The following PKHD1 variants were observed in gnomAD, a reference collection of about 807,000 sequenced individuals.
PKHD1 encodes fibrocystin.
Under a neutral mutation model 412.0 loss-of-function variants are expected in PKHD1, and 291 were observed. That is an observed-to-expected ratio of 0.71 (90% CI 0.64 to 0.78). The LOEUF is 0.78. Ranked by LOEUF, PKHD1 falls within the 30% of genes least tolerant of loss-of-function variation. The pLI is 0.00. For synonymous variants in PKHD1, 1,777 were observed against 1,821.5 expected, an observed-to-expected ratio of 0.98 and a Z score of 0.62; for missense variants, 4,825 against 4,950.7, an observed-to-expected ratio of 0.97 and a Z score of 0.76.
Position 51,626,924 on chromosome 6 carries a change from TGAAG to T in PKHD1, c.11785+69_11785+72del. ...AACCAAATTGCTTCAGAGACAGAGCTGAAGGAGAGGGAGGCTCAGACCATCCACA... is the reference window on the plus strand; with the variant it reads ...AACCAAATTGCTTCAGAGACAGAGCTGAGAGGGAGGCTCAGACCATCCACA... On this transcript the variant is annotated intron_variant, in intron 66 of 66. Transcript: ENST00000371117. The T allele has an allele frequency of 7.8e-6, 12 of 1,531,512 alleles. No individual in the cohort carries two copies. The South Asian group carries it at 1.3e-4, about 17-fold the overall frequency. The allele number at this position is 1,531,512 out of a possible 1,614,324, so 94.9% of individuals were successfully genotyped here. A position where few individuals can be genotyped will look rare whatever the true frequency, so the allele number is the denominator to read the frequency against.
chr6:52,048,992 T>C (rs1806318519), intron 22 of PKHD1, among the ~76,000 whole-genome samples: 1 of 152,236 alleles, frequency 6.6e-6, no homozygotes, highest in African/African-American at 2.4e-5. Flanking sequence ...TCAAACTTTC[T>C]GCACCTGCCT....
chr6:52,036,765 A>C (rs186527239), intron 27 of PKHD1, among the ~76,000 whole-genome samples: 1 of 152,374 alleles, frequency 6.6e-6, no homozygotes, highest in Non-Finnish European at 1.5e-5. Context: ...AATTGAAAAA[A>C]TATTTGAAAT....
At chr6:51,930,461 G>T (rs748016488) in intron 37 of PKHD1, among the ~76,000 whole-genome samples, 13 of 152,136 alleles carry the variant, frequency 8.5e-5, no homozygotes, top group Non-Finnish European at 1.8e-4. Flanking sequence ...TACATGTAAC[G>T]TGCTTTCAAC....
In PKHD1 at chr6:51,623,440, G is replaced by A. The variant is rs1766869331; in HGVS notation, c.11785+3557C>T. Reference sequence around the variant, plus strand: ...ATTGACCTATACAATTTTTTGGACTGACATTATATTTGAGTGAGTTATTCA... The same window carrying A: ...ATTGACCTATACAATTTTTTGGACTAACATTATATTTGAGTGAGTTATTCA... On this transcript the variant is annotated intron_variant, in intron 66 of 66. Transcript: ENST00000371117. 2.0e-5 allele frequency among the ~76,000 whole-genome samples: 3 copies of A among 151,744 alleles called. No homozygotes were observed. In the South Asian group the frequency reaches 6.2e-4, roughly 31 times the overall value.
At chr6:51,913,853 A>T (rs1783368317) in intron 37 of PKHD1, among the ~76,000 whole-genome samples, 1 of 152,140 alleles carries the variant, frequency 6.6e-6, no homozygotes, top group South Asian at 2.1e-4. Context: ...AAAAATGTAC[A>T]GAGTTCAAAA....
At chr6:52,011,419 T>C (rs969969036) in intron 34 of PKHD1, among the ~76,000 whole-genome samples, 1 of 152,204 alleles carries the variant, frequency 6.6e-6, no homozygotes, top group African/African-American at 2.4e-5. Context: ...GTGTAAAAAG[T>C]GTAACCCAAA....
rs1360667281 is a variant in PKHD1, at chr6:51,615,390, A to T, written c.*3691T>A. The T allele has an allele frequency of 6.6e-6, 1 of 152,196 alleles. No homozygotes were observed. Among genetic ancestry groups the T allele is most frequent in the African/African-American group, 2.4e-5 (1 of 41,462 alleles). The allele number at this position is 152,196 out of a possible 1,614,324, so 9.4% of individuals were successfully genotyped here. On this transcript the variant is annotated 3_prime_UTR_variant, in exon 67 of 67. Coordinates refer to ENST00000371117, the MANE Select transcript of PKHD1 (RefSeq NM_138694.4). Reference sequence around the variant, plus strand: ...TATTTCTTTTTGAAAATTACCTTGTAGAAATGTGACTTTTCTATCAAATAT... The same window carrying T: ...TATTTCTTTTTGAAAATTACCTTGTTGAAATGTGACTTTTCTATCAAATAT...
At chr6:51,966,408 C>T (rs1263266843) in intron 35 of PKHD1, among the ~76,000 whole-genome samples, 3 of 152,112 alleles carry the variant, frequency 2.0e-5, no homozygotes, top group African/African-American at 7.2e-5. Flanking sequence ...TCTCTGTGAG[C>T]AAAGGGATAA....
intron 55 of PKHD1, among the ~76,000 whole-genome samples, chr6:51,767,090 C>A (rs1789176715): frequency 6.6e-6 from 1 of 151,934 alleles, no homozygotes; most frequent in South Asian, 2.1e-4. Context: ...ATTATTCCAG[C>A]CTGTCTTCAA....
chr6:51,949,088 C>T (rs1789912870), intron 36 of PKHD1, among the ~76,000 whole-genome samples: 1 of 151,992 alleles, frequency 6.6e-6, no homozygotes, highest in African/African-American at 2.4e-5. Context: ...ATCTGAGAAC[C>T]CCAATTCATT....
chr6:51,624,534 C>T (rs952937992), intron 66 of PKHD1, among the ~76,000 whole-genome samples: 6 of 152,164 alleles, frequency 3.9e-5, no homozygotes, highest in Non-Finnish European at 7.3e-5. Flanking sequence ...ATTCATCATC[C>T]TTTTGTATAG....
At chr6:51,642,938 G>A (rs1769565491) in intron 63 of PKHD1, among the ~76,000 whole-genome samples, 1 of 152,122 alleles carries the variant, frequency 6.6e-6, no homozygotes, top group Non-Finnish European at 1.5e-5. Flanking sequence ...CATGAGTATG[G>A]GTATGGTTTG....
rs993513855 is a variant in PKHD1, at chr6:51,870,529, G to T, written c.7461C>A (p.Thr2487=). Residue 2487 remains threonine (T), a synonymous_variant, in exon 47 of 67, where the codon ACC becomes ACA. Transcript: ENST00000371117. ...CTTGTCCTTGGGAACAGTCTGAACA[G>T]GTTCTAATGGCCACACAGTTGATGA... is the stretch of plus-strand genomic sequence containing the variant. The part of the protein sequence containing the change: ...FDLINCVAIR[T]CSDCSQGQGG... 1 of 1,612,106 alleles carries T rather than the reference G, an allele frequency of 6.2e-7. No homozygotes were observed. The highest frequency in any genetic ancestry group is 1.3e-5 in the African/African-American group (1 of 74,870).
intron 37 of PKHD1, among the ~76,000 whole-genome samples, chr6:51,930,774 A>C: frequency 6.6e-6 from 1 of 152,224 alleles, no homozygotes. Context: ...CCATGCAAAT[A>C]GTTTCTAAGA....
chr6:51,837,269 T>C (rs1015816386), intron 50 of PKHD1, among the ~76,000 whole-genome samples: 1 of 152,330 alleles, frequency 6.6e-6, no homozygotes, highest in East Asian at 1.9e-4. Context: ...GAGCCACACC[T>C]TCCACCACTG....
intron 35 of PKHD1, among the ~76,000 whole-genome samples, chr6:51,965,783 G>A (rs1469879261): frequency 1.3e-5 from 2 of 151,938 alleles, no homozygotes; most frequent in African/African-American, 2.4e-5. Context: ...TATCCTCTGC[G>A]ATTTCTCAAA....
chr6:51,782,812 T>C lies in PKHD1; in HGVS notation c.8441-6891A>G, dbSNP rs151225992. ...GCTCAATGGGTCTGACTACTGGGTA[T>C]TGTGGCTTTAAGCTGGAGGATATGT... On this transcript the variant is annotated intron_variant, in intron 53 of 66. Transcript: ENST00000371117. 7.9e-5 allele frequency among the ~76,000 whole-genome samples: 12 copies of C among 152,266 alleles called. No individual in the cohort carries two copies. The South Asian group carries it at 8.3e-4, about 11-fold the overall frequency.
At chr6:51,937,723 G>A (rs145692286) in intron 36 of PKHD1, among the ~76,000 whole-genome samples, 115 of 152,256 alleles carry the variant, frequency 7.6e-4, no homozygotes, top group African/African-American at 2.5e-3. Flanking sequence ...TTCTCCATCT[G>A]TAAAATGGGC....
intron 52 of PKHD1, among the ~76,000 whole-genome samples, chr6:51,807,969 A>T (rs996523087): frequency 6.6e-6 from 1 of 152,042 alleles, no homozygotes; most frequent in African/African-American, 2.4e-5. Flanking sequence ...TTGGGGGGTA[A>T]TCAAATGTTC....
Sources: gnomAD v4.1 joint callset for allele counts (sites outside exome capture counted in the v4.1 genomes callset) on GRCh38, gnomAD v4.1.1 for gene constraint, MANE v1.5 for transcripts, NCBI Gene and HGNC (gene_info 2026-07-23, HGNC 2026-07-21) for gene names.